ALMS1: variants seen among roughly 807,000 people sequenced by gnomAD.
ALMS1 encodes the protein centrosome-associated protein ALMS1.
Under a neutral mutation model 352.2 loss-of-function variants are expected in ALMS1, and 271 were observed. That is an observed-to-expected ratio of 0.77 (90% CI 0.70 to 0.85). The LOEUF is 0.85. Ranked by LOEUF, ALMS1 falls within the 40% of genes least tolerant of loss-of-function variation. The probability of loss-of-function intolerance (pLI) is 0.00; values close to 1 mark genes in which losing one functional copy is unlikely to be tolerated. For synonymous variants in ALMS1, 1,865 were observed against 1,761.2 expected, an observed-to-expected ratio of 1.06 and a Z score of -1.48; for missense variants, 5,445 against 4,870.7, an observed-to-expected ratio of 1.12 and a Z score of -3.51.
At chr2:73,604,569 A>G (rs1675773780) in intron 21 of ALMS1, among the ~76,000 whole-genome samples, 3 of 152,310 alleles carry the variant, frequency 2.0e-5, no homozygotes, top group South Asian at 2.1e-4. Flanking sequence ...GTACTTTAAA[A>G]TAATTTATCT....
chr2:73,461,319 A>G (rs1354216325), intron 9 of ALMS1, among the ~76,000 whole-genome samples: 1 of 152,200 alleles, frequency 6.6e-6, no homozygotes, highest in Non-Finnish European at 1.5e-5. Context: ...TTGTGCAGCC[A>G]CCGCTGCTGA....
chr2:73,450,817 A>T lies in ALMS1; in HGVS notation c.4290A>T (p.Ser1430=). The stretch of plus-strand genomic sequence containing the variant: ...CAACTTTACCCTCTACTTTCTACTC[A>T]CACACAGAGAAGCCTGGTAGTTTCT... ...GIPTLPSTFY[S]HTEKPGSFYQ... The change falls in exon 8 of 23, where the codon TCA becomes TCT. Residue 1430 remains serine (S), a synonymous_variant. Transcript: ENST00000613296. The T allele has an allele frequency of 1.9e-6, 3 of 1,613,722 alleles. No individual in the cohort carries two copies. Among genetic ancestry groups the T allele is most frequent in the Non-Finnish European group, 2.5e-6 (3 of 1,179,876 alleles).
In ALMS1 at chr2:73,490,600, T is replaced by C. The variant is rs1291235763; in HGVS notation, c.8641T>C (p.Phe2881Leu). ...AACTCCAGATCTTCCTTCTTGCATT[T>C]TTCTTGAACAACGAGAGCTCTTTGA... ...TITPDLPSCI[F>L]LEQRELFEQS... Residue 2881 changes from phenylalanine (F) to leucine (L), a missense_variant, in exon 10 of 23, where the codon TTT becomes CTT. By Grantham distance (22) the Phe-to-Leu change is conservative. Coordinates refer to ENST00000613296, the MANE Select transcript of ALMS1 (RefSeq NM_001378454.1). 5 of 1,614,088 alleles carry C rather than the reference T, an allele frequency of 3.1e-6. No individual in the cohort carries two copies. The highest frequency in any genetic ancestry group is 3.4e-6 in the Non-Finnish European group (4 of 1,180,044).
chr2:73,456,845 A>G (rs1274481106), intron 9 of ALMS1: 1 of 152,186 alleles, frequency 6.6e-6, no homozygotes, highest in African/African-American at 2.4e-5. Flanking sequence ...TTAAAATTAC[A>G]TAGTTTTCTC....
intron 12 of ALMS1, among the ~76,000 whole-genome samples, chr2:73,542,163 A>C (rs1674198806): frequency 6.6e-6 from 1 of 152,168 alleles, no homozygotes; most frequent in Non-Finnish European, 1.5e-5. Flanking sequence ...CAAAAAGCTT[A>C]CTCACCATGA....
intron 12 of ALMS1, among the ~76,000 whole-genome samples, chr2:73,547,758 G>A (rs1003225741): frequency 1.7e-4 from 26 of 152,266 alleles, no homozygotes; most frequent in African/African-American, 6.3e-4. Flanking sequence ...TGGAGAAATG[G>A]TTTATAGATG....
At chr2:73,411,824 C>T (rs1671083519) in intron 2 of ALMS1, among the ~76,000 whole-genome samples, 1 of 152,158 alleles carries the variant, frequency 6.6e-6, no homozygotes, top group Admixed American at 6.5e-5. Flanking sequence ...CATCTAATCT[C>T]CAGTGATCTT....
chr2:73,455,431 T>A, intron 9 of ALMS1, 136 bp downstream of exon 9: 1 of 1,118,946 alleles, frequency 8.9e-7, no homozygotes, highest in African/African-American at 1.5e-5. Context: ...TTTGAGACAG[T>A]CTTGCTCTGT....
chr2:73,468,072 A>G (rs544419973), intron 9 of ALMS1, among the ~76,000 whole-genome samples: 1 of 152,036 alleles, frequency 6.6e-6, no homozygotes, highest in African/African-American at 2.4e-5. Context: ...ACACCTTATT[A>G]AAGATTTATT....
intron 9 of ALMS1, among the ~76,000 whole-genome samples, chr2:73,467,595 C>T (rs1672382390): frequency 6.6e-6 from 1 of 152,016 alleles, no homozygotes; most frequent in Admixed American, 6.6e-5. Context: ...ATTCCTACTT[C>T]TTTTTAGGTA....
chr2:73,519,512 A>G (rs1033856409), intron 10 of ALMS1, among the ~76,000 whole-genome samples: 1 of 152,212 alleles, frequency 6.6e-6, no homozygotes. Flanking sequence ...GCTGAAAAAT[A>G]GCATTTCCTC....
rs1671888366 is a variant in ALMS1 at position 73,449,766 on chromosome 2, C to T, written c.3239C>T (p.Pro1080Leu). Residue 1080 changes from proline to leucine, a missense_variant, in exon 8 of 23, where the codon CCT becomes CTT. Physicochemically the swap from Pro to Leu is moderately conservative, Grantham distance 98 (BLOSUM62 -3). Transcript: ENST00000613296. Reference protein sequence around the residue: ...PEESLKVSAFPGPADQMTDTP... With the variant: ...PEESLKVSAFLGPADQMTDTP... ...GAGAGTCTGAAAGTTTCAGCCTTCCCTGGACCAGCTGACCAGATGACTGAC... is the reference window on the plus strand; with the variant it reads ...GAGAGTCTGAAAGTTTCAGCCTTCCTTGGACCAGCTGACCAGATGACTGAC... 2.5e-6 allele frequency: 4 copies of T among 1,614,130 alleles called. No homozygotes were observed. The South Asian group carries it at 3.3e-5, about 13-fold the overall frequency.
intron 1 of ALMS1, among the ~76,000 whole-genome samples, chr2:73,392,014 C>T (rs1302998397): frequency 6.6e-6 from 1 of 152,036 alleles, no homozygotes; most frequent in Non-Finnish European, 1.5e-5. Flanking sequence ...TGGAGTGCTA[C>T]ACAGTATTCT....
chr2:73,469,372 A>G (rs1345658015), intron 9 of ALMS1, among the ~76,000 whole-genome samples: 1 of 151,904 alleles, frequency 6.6e-6, no homozygotes, highest in East Asian at 1.9e-4. Flanking sequence ...ATCAGCAGAC[A>G]AGTTCTGACT....
chr2:73,535,703 A>G (rs1269639526), intron 12 of ALMS1, among the ~76,000 whole-genome samples: 3 of 152,180 alleles, frequency 2.0e-5, no homozygotes, highest in African/African-American at 7.2e-5. Context: ...ATAATACCCC[A>G]TGGAGGCACT....
chr2:73,578,468 C>T (rs1376979433), intron 16 of ALMS1, among the ~76,000 whole-genome samples: 1 of 151,850 alleles, frequency 6.6e-6, no homozygotes, highest in African/African-American at 2.4e-5. Context: ...TTCTTTGTAT[C>T]TAATTGATTT....
chr2:73,439,011 C>T (rs550296142), intron 7 of ALMS1, among the ~76,000 whole-genome samples: 1 of 150,724 alleles, frequency 6.6e-6, no homozygotes, highest in East Asian at 1.9e-4. Context: ...TCTTCCTCTC[C>T]TCCTCCTCCT....
At chr2:73,568,268 A>T (rs988097103) in intron 15 of ALMS1, among the ~76,000 whole-genome samples, 1 of 152,164 alleles carries the variant, frequency 6.6e-6, no homozygotes, top group African/African-American at 2.4e-5. Flanking sequence ...TAGAAGTGCA[A>T]ATTTGTTGCA....
chr2:73,544,348 C>T (rs1282378503), intron 12 of ALMS1, among the ~76,000 whole-genome samples: 3 of 152,070 alleles, frequency 2.0e-5, no homozygotes, highest in Non-Finnish European at 2.9e-5. Context: ...GGGAACATCA[C>T]ACACTGGGGC....
Sources: allele counts gnomAD v4.1 joint callset (sites outside exome capture counted in the v4.1 genomes callset), GRCh38; gene constraint gnomAD v4.1.1; transcripts MANE v1.5; gene names NCBI Gene and HGNC (gene_info 2026-07-23, HGNC 2026-07-21).